Variants in FAM178B observed in about 807,000 individuals in gnomAD.
FAM178B encodes the protein family with sequence similarity 178 member B, also known as protein FAM178B.
FAM178B carries 82 observed loss-of-function variants against 91.7 expected under a neutral mutation model. The ratio of observed to expected loss-of-function variants is 0.89; its 90% CI spans 0.75 to 1.07. The LOEUF is 1.07. FAM178B is among the 50% of genes least tolerant of loss of function. The pLI, the probability that FAM178B is intolerant of heterozygous loss-of-function variation, is 0.00. For missense variants in FAM178B, 769 were observed against 846.7 expected (o/e 0.91, Z 1.14); for synonymous variants, 368 against 359.4 (o/e 1.02, Z -0.27).
intron 6 of FAM178B, among the ~76,000 whole-genome samples, chr2:96,955,496 G>A (rs2081986969): frequency 1.3e-5 from 2 of 149,052 alleles, no homozygotes; most frequent in South Asian, 2.1e-4. Flanking sequence ...GGGAGACAGA[G>A]CAAGACTCCA....
At chr2:96,929,711 T>C (rs1426719984) in intron 8 of FAM178B, among the ~76,000 whole-genome samples, 1 of 152,190 alleles carries the variant, frequency 6.6e-6, no homozygotes, top group East Asian at 1.9e-4. Context: ...CCTTAGACTC[T>C]CTTGCTGCAA....
chr2:96,946,441 T>C (rs2081829741), intron 8 of FAM178B, among the ~76,000 whole-genome samples: 1 of 152,192 alleles, frequency 6.6e-6, no homozygotes, highest in Non-Finnish European at 1.5e-5. Context: ...ACTTTCCCCA[T>C]ACCAGTTGAG....
Position 96,947,920 on chromosome 2 carries a change from A to G in FAM178B, c.994-18T>C. 2.9e-6 allele frequency: 4 copies of G among 1,381,874 alleles called. No individual in the cohort carries two copies. The highest frequency in any genetic ancestry group is 4.0e-6 in the Non-Finnish European group (4 of 1,000,916). 85.6% of individuals were successfully genotyped at this position (1,381,874 alleles called of 1,614,324 possible). The stretch of plus-strand genomic sequence containing the variant: ...GTCAGCAGCTAGGTGGAAAAAAAAA[A>G]CAAAAACAAAAACCTGGTGAGCTGG... On this transcript the variant is annotated intron_variant, in intron 7 of 16. Coordinates refer to ENST00000490605, the MANE Select transcript of FAM178B (RefSeq NM_001122646.3).
At chr2:96,933,434 C>T (rs944850163) in intron 8 of FAM178B, among the ~76,000 whole-genome samples, 2 of 152,072 alleles carry the variant, frequency 1.3e-5, no homozygotes, top group African/African-American at 4.8e-5. Context: ...AGTGGCTTTT[C>T]CATCTGTGTC....
chr2:96,916,536 A>C (rs1019931630), intron 12 of FAM178B, among the ~76,000 whole-genome samples: 18 of 152,214 alleles, frequency 1.2e-4, no homozygotes, highest in African/African-American at 4.3e-4. Context: ...AGTAGAGTGC[A>C]AGCAGTTGCA....
At chr2:96,965,466 ATT>A in intron 5 of FAM178B, among the ~76,000 whole-genome samples, 1 of 136,720 alleles carries the variant, frequency 7.3e-6, no homozygotes, top group African/African-American at 2.7e-5. Flanking sequence ...GTCTCCCCCC[ATT>A]TTTTTTTTTT....
intron 7 of FAM178B, 148 bp from the exon 8 acceptor site, chr2:96,948,050 C>T (rs551806235): frequency 3.4e-6 from 2 of 592,638 alleles, no homozygotes; most frequent in South Asian, 4.2e-5. Flanking sequence ...GTCATTGTTG[C>T]CAATTAGAGG....
intron 6 of FAM178B, among the ~76,000 whole-genome samples, chr2:96,958,416 A>G (rs983550158): frequency 6.6e-6 from 1 of 151,888 alleles, no homozygotes; most frequent in Non-Finnish European, 1.5e-5. Context: ...GGCCAGGCGC[A>G]GTGGCTCACA....
At position 96,956,280 on chromosome 2, in the gene FAM178B, T is replaced by C. The variant is rs760051312; in HGVS notation, c.887+4008A>G. 9.8e-5 allele frequency among the ~76,000 whole-genome samples: 15 copies of C among 152,350 alleles called. No homozygotes were observed. The Middle Eastern group carries it at 0.014, about 138-fold the overall frequency. ...CAGCTGTTATCAGCTTCCGTCATAA[T>C]GACATGTGACTGTGGTGGCAGGGGA... On this transcript the variant is annotated intron_variant, in intron 6 of 16. Coordinates refer to ENST00000490605, the MANE Select transcript of FAM178B (RefSeq NM_001122646.3).
chr2:96,890,942 G>A (rs983108924), intron 14 of FAM178B, among the ~76,000 whole-genome samples: 1 of 152,226 alleles, frequency 6.6e-6, no homozygotes, highest in Admixed American at 6.5e-5. Context: ...AACCAGGCAT[G>A]CACAGGGCCA....
At chr2:96,895,243 T>A in intron 13 of FAM178B, 1 of 526,268 alleles carries the variant, frequency 1.9e-6, no homozygotes, top group Non-Finnish European at 3.0e-6. Flanking sequence ...ATAATACCAT[T>A]TCTTTCCTAA....
chr2:96,940,415 A>G (rs2081708504), intron 8 of FAM178B, among the ~76,000 whole-genome samples: 1 of 152,192 alleles, frequency 6.6e-6, no homozygotes, highest in Admixed American at 6.5e-5. Flanking sequence ...GCAAACCACA[A>G]GAGAGGCAGA....
intron 1 of FAM178B, among the ~76,000 whole-genome samples, chr2:96,973,873 C>G (rs536598030): frequency 6.6e-6 from 1 of 151,812 alleles, no homozygotes; most frequent in Non-Finnish European, 1.5e-5. Context: ...CATGGTGGCA[C>G]ACGCCTGTAA....
chr2:96,941,609 C>A (rs2081732382), intron 8 of FAM178B, among the ~76,000 whole-genome samples: 1 of 152,190 alleles, frequency 6.6e-6, no homozygotes, highest in African/African-American at 2.4e-5. Flanking sequence ...GAATTCTGTT[C>A]TTGGAGCTGA....
intron 14 of FAM178B, among the ~76,000 whole-genome samples, chr2:96,890,687 C>A (rs895303628): frequency 1.3e-5 from 2 of 152,088 alleles, no homozygotes; most frequent in Non-Finnish European, 2.9e-5. Context: ...TGCCTGCGGC[C>A]AAAAGAACAG....
chr2:96,951,342 C>T lies in FAM178B; in HGVS notation c.993+37G>A, dbSNP rs753696020. ...GGCCTGCCGGGCCACCAGACTGCAGCGCTCCCGCCACCTAGTGGCAGGCCT... is the reference window on the plus strand; with the variant it reads ...GGCCTGCCGGGCCACCAGACTGCAGTGCTCCCGCCACCTAGTGGCAGGCCT... On this transcript the variant is annotated intron_variant, in intron 7 of 16. Coordinates refer to ENST00000490605, the MANE Select transcript of FAM178B (RefSeq NM_001122646.3). 8.4e-5 allele frequency: 124 copies of T among 1,474,440 alleles called. No homozygotes were observed. The East Asian group carries it at 1.9e-3, about 23-fold the overall frequency. 91.3% of individuals were successfully genotyped at this position (1,474,440 alleles called of 1,614,324 possible). A position where few individuals can be genotyped will look rare whatever the true frequency, so the allele number is the denominator to read the frequency against.
intron 6 of FAM178B, among the ~76,000 whole-genome samples, chr2:96,958,697 T>TAAAAAAAAAAAAAAAAAAAAAAAA (rs55924441): frequency 1.8e-5 from 1 of 55,500 alleles, no homozygotes; most frequent in African/African-American, 6.9e-5. Context: ...CTCAAAATAC[T>TAAAAAAAAAAAAAAAAAAAAAAAA]AAAAAAAAAA....
At chr2:96,908,686 G>A (rs1483363442) in intron 12 of FAM178B, among the ~76,000 whole-genome samples, 1 of 152,164 alleles carries the variant, frequency 6.6e-6, no homozygotes, top group Non-Finnish European at 1.5e-5. Flanking sequence ...GGTGGTACAT[G>A]GATGATCTCT....
At chr2:96,960,891 G>T (rs937127980) in intron 5 of FAM178B, among the ~76,000 whole-genome samples, 1 of 152,120 alleles carries the variant, frequency 6.6e-6, no homozygotes, top group Non-Finnish European at 1.5e-5. Context: ...TGTCGGGGAC[G>T]GCATCCTGGG....
Sources: allele counts gnomAD v4.1 joint callset (sites outside exome capture counted in the v4.1 genomes callset), GRCh38; gene constraint gnomAD v4.1.1; transcripts MANE v1.5; gene names NCBI Gene and HGNC (gene_info 2026-07-23, HGNC 2026-07-21).